Variants in PTPRS observed in about 807,000 individuals in gnomAD.
PTPRS encodes receptor-type tyrosine-protein phosphatase S.
A neutral mutation model predicts 215.3 loss-of-function variants in PTPRS; 63 were observed. That is an observed-to-expected ratio of 0.29 (90% CI 0.24 to 0.36). The LOEUF is 0.36. Among genes scored for constraint, PTPRS ranks in the 10% least tolerant of loss-of-function variants. The pLI, the probability that PTPRS is intolerant of heterozygous loss-of-function variation, is 1.00. For missense variants in PTPRS, 2,258 were observed against 2,825.8 expected (o/e 0.80, Z 4.56); for synonymous variants, 1,404 against 1,191.4 (o/e 1.18, Z -3.68).
At chr19:5,333,527 A>G (rs2050396921) in intron 1 of PTPRS, among the ~76,000 whole-genome samples, 1 of 151,250 alleles carries the variant, frequency 6.6e-6, no homozygotes, top group African/African-American at 2.4e-5. Flanking sequence ...ACACACACAC[A>G]ATGCGATTCG....
At chr19:5,212,643 A>C (rs1453711432) in intron 30 of PTPRS, 152 bp from the exon 31 acceptor site, 1 of 820,890 alleles carries the variant, frequency 1.2e-6, no homozygotes, top group Non-Finnish European at 1.9e-6. Flanking sequence ...CAGGAGTTCG[A>C]GACCAGCCTG....
chr19:5,240,470 G>T, intron 11 of PTPRS, 138 bp from the exon 12 acceptor site: 1 of 835,428 alleles, frequency 1.2e-6, no homozygotes, highest in Non-Finnish European at 1.7e-6. Flanking sequence ...TGGGGACCTC[G>T]CCCCCATCCC....
At chr19:5,301,737 C>T (rs570271542) in intron 1 of PTPRS, among the ~76,000 whole-genome samples, 13 of 152,158 alleles carry the variant, frequency 8.5e-5, no homozygotes, top group African/African-American at 3.1e-4. Flanking sequence ...CAGTCTCCCC[C>T]CAATCCTCCC....
intron 1 of PTPRS, among the ~76,000 whole-genome samples, chr19:5,290,554 G>T (rs1779081692): frequency 6.6e-6 from 1 of 152,152 alleles, no homozygotes; most frequent in South Asian, 2.1e-4. Context: ...AGGCCGGGCA[G>T]CAAACAGGCT....
At position 5,206,541 on chromosome 19, in the gene PTPRS, G is replaced by A. The variant is rs545384910; in HGVS notation, c.*233C>T. 2.6e-5 allele frequency: 12 copies of A among 454,148 alleles called. No homozygotes were observed. The South Asian group carries it at 3.1e-4, about 12-fold the overall frequency. 28.1% of individuals were successfully genotyped at this position (454,148 alleles called of 1,614,324 possible). A position where few individuals can be genotyped will look rare whatever the true frequency, so the allele number is the denominator to read the frequency against. ...GGTTTTGGAATTGGAAGGAAAGGAGGAATGTGCCAAGTATTTGAAGGCGGC... is the reference window on the plus strand; with the variant it reads ...GGTTTTGGAATTGGAAGGAAAGGAGAAATGTGCCAAGTATTTGAAGGCGGC... On this transcript the variant is annotated 3_prime_UTR_variant, in exon 38 of 38. Coordinates refer to ENST00000262963, the MANE Select transcript of PTPRS (RefSeq NM_002850.4).
intron 9 of PTPRS, among the ~76,000 whole-genome samples, chr19:5,249,542 C>A (rs778106663): frequency 2.0e-5 from 3 of 152,196 alleles, no homozygotes; most frequent in Non-Finnish European, 4.4e-5. Context: ...TGGTTGCTGC[C>A]TCTCAGAGAA....
At position 5,266,878 on chromosome 19, in the gene PTPRS, C is replaced by T. The variant is rs1054109749; in HGVS notation, c.380-1682G>A. 6.6e-5 allele frequency among the ~76,000 whole-genome samples: 10 copies of T among 152,146 alleles called. 1 individual carries two copies. Among genetic ancestry groups the T allele is most frequent in the Admixed American group, 6.6e-4 (10 of 15,266 alleles). Reference sequence around the variant, plus strand: ...TGTTCTGTTCCCTCAGCCTGGAATCCCCGTTCCCACATCTGTCTACTGATC... The same window carrying T: ...TGTTCTGTTCCCTCAGCCTGGAATCTCCGTTCCCACATCTGTCTACTGATC... On this transcript the variant is annotated intron_variant, in intron 4 of 37. Transcript: ENST00000262963.
At chr19:5,330,076 CAA>C (rs10690740) in intron 1 of PTPRS, among the ~76,000 whole-genome samples, 41 of 74,402 alleles carry the variant, frequency 5.5e-4, no homozygotes, top group Admixed American at 1.1e-3. Flanking sequence ...GACTCTGTCT[CAA>C]AAAAAAAAAA....
In PTPRS at chr19:5,246,010, T is replaced by G; in HGVS notation, c.754A>C (p.Met252Leu). Residue 252 changes from methionine (M) to leucine (L), a missense_variant, in exon 10 of 38, where the codon ATG (methionine) becomes CTG (leucine). Met to Leu is a conservative substitution (Grantham distance 15, BLOSUM62 2). This residue lies in a region of PTPRS where 508 missense variants were observed against 799.4 expected (regional missense o/e 0.64). Transcript: ENST00000262963. ...CCCCCTGGCATGATCTCGTGGCTCA[T>G]GGGCAGGATGGAGAAGCGCGGGGCC... ...RVAPRFSILP[M>L]SHEIMPGGNV... 7.1e-6 allele frequency: 11 copies of G among 1,557,720 alleles called. No individual in the cohort carries two copies. The highest frequency in any genetic ancestry group is 9.6e-6 in the Non-Finnish European group (11 of 1,150,278).
Position 5,212,090 on chromosome 19 carries a change from C to T in PTPRS, c.4930G>A (p.Ala1644Thr). 1 of 1,614,060 alleles carries T rather than the reference C, an allele frequency of 6.2e-7. No homozygotes were observed. Among genetic ancestry groups the T allele is most frequent in the Non-Finnish European group, 8.5e-7 (1 of 1,180,044 alleles). ...TEDQYSFIHEALLEAVGCGNT... is the reference protein window; with the variant it reads ...TEDQYSFIHETLLEAVGCGNT... The stretch of plus-strand genomic sequence containing the variant: ...CCACAGCCCACGGCCTCCAGCAGGG[C>T]CTCGTGGATGAAGCTGTACTGGTCC... The change falls in exon 32 of 38, where the codon GCC becomes ACC. Residue 1644 changes from alanine (A) to threonine (T), a missense_variant. Physicochemically the swap from Ala to Thr is moderately conservative, Grantham distance 58. Coordinates refer to ENST00000262963, the MANE Select transcript of PTPRS (RefSeq NM_002850.4).
intron 14 of PTPRS, among the ~76,000 whole-genome samples, chr19:5,230,038 GA>G (rs1299683713): frequency 2.0e-5 from 3 of 152,102 alleles, no homozygotes; most frequent in Non-Finnish European, 1.5e-5. Context: ...TGGGGAAATT[GA>G]ATCCTAGAGA....
chr19:5,220,939 C>T (rs1568397144), intron 20 of PTPRS, 61 bp downstream of exon 20: 2 of 1,541,132 alleles, frequency 1.3e-6, no homozygotes, highest in Admixed American at 1.9e-5. Context: ...CGTGGCTTGC[C>T]CCAGCCATAT....
At chr19:5,265,599 C>T (rs1242070803) in intron 4 of PTPRS, among the ~76,000 whole-genome samples, 1 of 151,814 alleles carries the variant, frequency 6.6e-6, no homozygotes, top group African/African-American at 2.4e-5. Context: ...ACTTCTGCCT[C>T]CCAAAGCACT....
chr19:5,302,106 C>G (rs1463408599), intron 1 of PTPRS, among the ~76,000 whole-genome samples: 1 of 152,092 alleles, frequency 6.6e-6, no homozygotes, highest in South Asian at 2.1e-4. Flanking sequence ...TTCATGTAGG[C>G]TGGGCACGGC....
intron 1 of PTPRS, among the ~76,000 whole-genome samples, chr19:5,314,777 G>A (rs79472845): frequency 7.0e-6 from 1 of 143,632 alleles, no homozygotes; most frequent in Admixed American, 6.8e-5. Context: ...AGGGCAGAGA[G>A]CTGAAGATTC....
intron 1 of PTPRS, among the ~76,000 whole-genome samples, chr19:5,304,909 C>T (rs2049427678): frequency 6.8e-6 from 1 of 147,584 alleles, no homozygotes; most frequent in Non-Finnish European, 1.5e-5. Context: ...TGGGCCAGGT[C>T]CCATCCCATG....
chr19:5,274,064 C>A, intron 3 of PTPRS, 135 bp downstream of exon 3: 1 of 1,259,684 alleles, frequency 7.9e-7, no homozygotes, highest in Non-Finnish European at 1.1e-6. Flanking sequence ...CTGGAGGCTG[C>A]GCAGCCATGC....
At chr19:5,336,762 G>C (rs2050514954) in intron 1 of PTPRS, among the ~76,000 whole-genome samples, 1 of 123,206 alleles carries the variant, frequency 8.1e-6, no homozygotes, top group South Asian at 2.9e-4. Context: ...CGGAGGCTGA[G>C]CCACTCTGCC....
Position 5,240,067 on chromosome 19 carries a change from G to C in PTPRS, c.1704+132C>G, listed in dbSNP as rs556776709. The stretch of plus-strand genomic sequence containing the variant: ...ACAAAGGGACAGAGACGCAGGAGAA[G>C]CAGAAGGGGTGAGGAAGAGCAGAAT... On this transcript the variant is annotated intron_variant, in intron 12 of 37. Coordinates refer to ENST00000262963, the MANE Select transcript of PTPRS (RefSeq NM_002850.4). The C allele has an allele frequency of 3.3e-5, 36 of 1,096,578 alleles. 4 individuals are homozygous for C. Among genetic ancestry groups the C allele is most frequent in the Admixed American group, 2.5e-4 (7 of 27,918 alleles). The allele number at this position is 1,096,578 out of a possible 1,614,324, so 67.9% of individuals were successfully genotyped here.
Sources: allele counts gnomAD v4.1 joint callset (sites outside exome capture counted in the v4.1 genomes callset), GRCh38; gene constraint gnomAD v4.1.1; regional missense constraint gnomAD v4.1.1; transcripts MANE v1.5; gene names NCBI Gene and HGNC (gene_info 2026-07-23, HGNC 2026-07-21).